CAMTA1: variants seen among roughly 807,000 people sequenced by gnomAD.
CAMTA1 encodes calmodulin binding transcription activator 1.
CAMTA1 carries 27 observed loss-of-function variants against 170.9 expected under a neutral mutation model. The observed-to-expected ratio is 0.16, with a 90% CI of 0.12 to 0.22. CAMTA1 has a LOEUF of 0.22. Ranked by LOEUF, CAMTA1 falls within the 10% of genes least tolerant of loss-of-function variation. The pLI is 1.00. For synonymous variants in CAMTA1, 833 were observed against 891.5 expected (o/e 0.93, Z 1.17); for missense variants, 1,619 against 2,217.2 (o/e 0.73, Z 5.42).
chr1:7,073,911 G>A (rs1251342822), intron 3 of CAMTA1, among the ~76,000 whole-genome samples: 1 of 152,158 alleles, frequency 6.6e-6, no homozygotes, highest in Non-Finnish European at 1.5e-5. Flanking sequence ...TCTATTTCCT[G>A]ATCTGTAAAA....
chr1:6,814,207 A>C (rs1405341935), intron 1 of CAMTA1, among the ~76,000 whole-genome samples: 3 of 152,216 alleles, frequency 2.0e-5, no homozygotes, highest in East Asian at 1.9e-4. Flanking sequence ...GTTGTAGGTT[A>C]GCAGAGGACA....
intron 4 of CAMTA1, among the ~76,000 whole-genome samples, chr1:7,208,841 A>T (rs556898726): frequency 1.3e-5 from 2 of 152,196 alleles, no homozygotes; most frequent in Non-Finnish European, 2.9e-5. Flanking sequence ...GTTGTTTCAC[A>T]TGTTAAATCC....
rs531976750 is a variant in CAMTA1 at position 7,113,214 on chromosome 1, G to C, written c.302+21843G>C. On this transcript the variant is annotated intron_variant, in intron 4 of 22. Transcript: ENST00000303635. This position sits in a 1 kb window ranked among gnomAD's most constrained non-coding sequence, Gnocchi z 4.5. ...TGTCAGAAGCCACAGACAGAGGCTG[G>C]ATCAACAAGAGGCCCCAGGACCTAG... Among the ~76,000 whole-genome samples, 2 of 152,338 alleles carry C rather than the reference G, an allele frequency of 1.3e-5. No homozygotes were observed. Among genetic ancestry groups the C allele is most frequent in the African/African-American group, 2.4e-5 (1 of 41,578 alleles).
chr1:6,791,619 C>T (rs1403576254), intron 1 of CAMTA1, among the ~76,000 whole-genome samples: 1 of 152,112 alleles, frequency 6.6e-6, no homozygotes, highest in Non-Finnish European at 1.5e-5. Context: ...GTTCCTTTGC[C>T]TGTTATATAT....
At chr1:7,731,993 T>C (rs2096737020) in intron 11 of CAMTA1, among the ~76,000 whole-genome samples, 1 of 151,532 alleles carries the variant, frequency 6.6e-6, no homozygotes, top group African/African-American at 2.4e-5. Flanking sequence ...AAAAACTCAG[T>C]GTTTTGGTAA....
At chr1:7,559,481 A>G (rs759467138) in intron 6 of CAMTA1, among the ~76,000 whole-genome samples, 30 of 152,192 alleles carry the variant, frequency 2.0e-4, no homozygotes, top group Non-Finnish European at 4.0e-4. Context: ...TGAAATTTTA[A>G]TAGTCTCAGA....
chr1:7,396,407 A>C (rs1018232254), intron 5 of CAMTA1, among the ~76,000 whole-genome samples: 1 of 152,196 alleles, frequency 6.6e-6, no homozygotes, highest in Non-Finnish European at 1.5e-5. Context: ...ACCTAGCCTC[A>C]GGTATTCCTT....
At chr1:6,867,029 T>G (rs750920680) in intron 3 of CAMTA1, among the ~76,000 whole-genome samples, 5 of 152,204 alleles carry the variant, frequency 3.3e-5, no homozygotes, top group Non-Finnish European at 5.9e-5. Context: ...GCAGCATTCT[T>G]GTCTCAGGCT....
At chr1:7,242,694 T>G (rs10746468) in intron 4 of CAMTA1, among the ~76,000 whole-genome samples, 1 of 151,610 alleles carries the variant, frequency 6.6e-6, no homozygotes, top group Non-Finnish European at 1.5e-5. Context: ...TTTGGGAGGG[T>G]GAGGCAGGCA....
intron 3 of CAMTA1, among the ~76,000 whole-genome samples, chr1:6,848,983 C>G (rs1299254198): frequency 6.6e-6 from 1 of 152,152 alleles, no homozygotes; most frequent in East Asian, 1.9e-4. Flanking sequence ...CTTCTCATCT[C>G]AGATGATTAG....
At chr1:7,446,506 AAC>A (rs1320241690) in intron 5 of CAMTA1, among the ~76,000 whole-genome samples, 1 of 152,076 alleles carries the variant, frequency 6.6e-6, no homozygotes, top group Non-Finnish European at 1.5e-5. Context: ...CCGGGAGGGG[AAC>A]ACACGCCTGG....
intron 6 of CAMTA1, among the ~76,000 whole-genome samples, chr1:7,522,747 A>G (rs577247169): frequency 1.3e-4 from 20 of 152,340 alleles, no homozygotes; most frequent in South Asian, 2.1e-4. Flanking sequence ...AATTGCTCCA[A>G]TACCATTTGT....
At chr1:6,790,759 A>C (rs1385383511) in intron 1 of CAMTA1, among the ~76,000 whole-genome samples, 1 of 152,160 alleles carries the variant, frequency 6.6e-6, no homozygotes, top group East Asian at 1.9e-4. Flanking sequence ...CTTTTAATTT[A>C]TGCTTTTTAA....
Position 7,103,921 on chromosome 1 carries a change from TAC to T in CAMTA1, c.302+12556_302+12557del, listed in dbSNP as rs1230120320. On this transcript the variant is annotated intron_variant, in intron 4 of 22. Coordinates refer to ENST00000303635, the MANE Select transcript of CAMTA1 (RefSeq NM_015215.4). ...ACACAACTACACGCGCACTCACACA[TAC>T]ACACAACTACACACATACAGCACAC... Among the ~76,000 whole-genome samples the T allele has an allele frequency of 3.6e-4, 42 of 117,006 alleles. 1 individual carries two copies. Among genetic ancestry groups the T allele is most frequent in the African/African-American group, 8.1e-4 (24 of 29,456 alleles). The allele number at this position is 117,006 out of a possible 152,430, so 76.8% of individuals were successfully genotyped here.
chr1:7,112,118 T>C (rs890047543), intron 4 of CAMTA1, among the ~76,000 whole-genome samples: 1 of 152,130 alleles, frequency 6.6e-6, no homozygotes, highest in Non-Finnish European at 1.5e-5. Context: ...GGGGAGGCTG[T>C]GTGGGTCGCC....
chr1:7,000,600 C>T (rs1389300827), intron 3 of CAMTA1, among the ~76,000 whole-genome samples: 2 of 152,106 alleles, frequency 1.3e-5, no homozygotes, highest in African/African-American at 4.8e-5. Flanking sequence ...GGAGCAGGTG[C>T]CTTGGCCCGT....
At chr1:7,178,974 C>G (rs1651524990) in intron 4 of CAMTA1, among the ~76,000 whole-genome samples, 1 of 152,212 alleles carries the variant, frequency 6.6e-6, no homozygotes, top group Non-Finnish European at 1.5e-5. Context: ...CTGTGTGAAC[C>G]AGGGAACAGC....
intron 4 of CAMTA1, among the ~76,000 whole-genome samples, chr1:7,131,536 T>G (rs202112745): frequency 1.4e-4 from 22 of 151,918 alleles, no homozygotes; most frequent in African/African-American, 4.6e-4. Context: ...TTTTTTTTTT[T>G]TTCTTGCTGT....
At chr1:7,677,451 C>T (rs906147468) in intron 10 of CAMTA1, 148 bp from the exon 11 acceptor site, 12 of 939,778 alleles carry the variant, frequency 1.3e-5, no homozygotes, top group East Asian at 2.5e-5. Context: ...GTTTGGGCCT[C>T]GAATGAGCAG....
Sources: gnomAD v4.1 joint callset for allele counts (sites outside exome capture counted in the v4.1 genomes callset) on GRCh38, gnomAD v4.1.1 for gene constraint, Gnocchi (gnomAD v3.1) non-coding constraint, MANE v1.5 for transcripts, NCBI Gene and HGNC (gene_info 2026-07-23, HGNC 2026-07-21) for gene names.